The following FRK variants were observed in gnomAD, a reference collection of about 807,000 sequenced individuals.
The protein encoded by FRK is fyn related Src family tyrosine kinase.
Under a neutral mutation model 56.4 loss-of-function variants are expected in FRK, and 51 were observed. The ratio of observed to expected loss-of-function variants is 0.90; its 90% confidence interval spans 0.72 to 1.14. The LOEUF (loss-of-function observed/expected upper bound fraction) is 1.14. Ranked by LOEUF, FRK falls within the 50% of genes most tolerant of loss-of-function variation. The pLI is 0.00. For synonymous variants in FRK, 245 were observed against 217.9 expected, an observed-to-expected ratio of 1.12 and a Z score of -1.10; for missense variants, 570 against 601.4, an observed-to-expected ratio of 0.95 and a Z score of 0.55.
intron 1 of FRK, among the ~76,000 whole-genome samples, chr6:116,013,620 AT>A (rs1413018149): frequency 6.6e-6 from 1 of 152,148 alleles, no homozygotes; most frequent in Non-Finnish European, 1.5e-5. Context: ...AAAATGCCTT[AT>A]TTTATAAAAT....
chr6:115,973,256 A>G lies in FRK; in HGVS notation c.467-4517T>C, dbSNP rs141940195. ...TCTATCAGGATATAGAGCTTAGCTC[A>G]TAATATATTCCTGAAGCTGGAAACC... On this transcript the variant is annotated intron_variant, in intron 2 of 7. Transcript: ENST00000606080. Among the ~76,000 whole-genome samples, 5 of 152,312 alleles carry G rather than the reference A, an allele frequency of 3.3e-5. No homozygotes were observed. The East Asian group carries it at 9.7e-4, about 29-fold the overall frequency.
chr6:115,950,551 T>A (rs1227684908), intron 5 of FRK, among the ~76,000 whole-genome samples: 1 of 152,136 alleles, frequency 6.6e-6, no homozygotes, highest in Non-Finnish European at 1.5e-5. Flanking sequence ...GAAAGAGGAA[T>A]GCTTTTACAC....
the FRK span, among the ~76,000 whole-genome samples, chr6:116,087,590 T>C: frequency 6.6e-6 from 1 of 152,258 alleles, no homozygotes; most frequent in Admixed American, 6.5e-5. Context: ...TTACTTTGCC[T>C]TGGGGCAGAG....
At chr6:115,951,357 T>A (rs1373919014) in intron 5 of FRK, among the ~76,000 whole-genome samples, 2 of 152,188 alleles carry the variant, frequency 1.3e-5, no homozygotes, top group East Asian at 3.9e-4. Context: ...AACAACTATA[T>A]GAAGTAAGTA....
intron 5 of FRK, among the ~76,000 whole-genome samples, chr6:115,945,600 C>T (rs1158495783): frequency 1.3e-5 from 2 of 152,102 alleles, no homozygotes; most frequent in South Asian, 2.1e-4. Context: ...GCCTATAAAA[C>T]AATACTAACT....
intron 2 of FRK, among the ~76,000 whole-genome samples, chr6:116,001,749 T>C (rs748625500): frequency 6.6e-6 from 1 of 152,232 alleles, no homozygotes; most frequent in Non-Finnish European, 1.5e-5. Context: ...TTCTCTGGAA[T>C]GCATCTTTGT....
intron 6 of FRK, among the ~76,000 whole-genome samples, chr6:115,944,007 T>C (rs1291500288): frequency 6.6e-6 from 1 of 152,174 alleles, no homozygotes; most frequent in East Asian, 1.9e-4. Flanking sequence ...AATTCAACTA[T>C]AAACTTAAGT....
At chr6:115,994,338 C>CCTTTT (rs1554230544) in intron 2 of FRK, among the ~76,000 whole-genome samples, 6 of 91,768 alleles carry the variant, frequency 6.5e-5, no homozygotes, top group Non-Finnish European at 1.5e-4. Flanking sequence ...CCCCCCCCGC[C>CCTTTT]TTTTTTTTGT....
In FRK at chr6:115,958,712, A is replaced by AAGG. The variant is rs1284311809; in HGVS notation, c.800-2103_800-2102insCCT. Among the ~76,000 whole-genome samples, 138 of 16,520 alleles carry AAGG rather than the reference A, an allele frequency of 8.4e-3. 16 individuals are homozygous for AAGG. The highest frequency in any genetic ancestry group is 0.031 in the African/African-American group (127 of 4,074). 10.8% of individuals were successfully genotyped at this position (16,520 alleles called of 152,430 possible). Reference sequence around the variant, plus strand: ...AGAAAGAAAGAAAGAAAGAAGAAAGAAAGAAAGAAAGAAAGAAAGAAAGAA... The same window carrying AAGG: ...AGAAAGAAAGAAAGAAAGAAGAAAGAAGGAAGAAAGAAAGAAAGAAAGAAAGAA... On this transcript the variant is annotated intron_variant, in intron 4 of 7. Coordinates refer to ENST00000606080, the MANE Select transcript of FRK (RefSeq NM_002031.3).
intron 1 of FRK, among the ~76,000 whole-genome samples, chr6:116,049,347 C>A (rs1777104420): frequency 6.6e-6 from 1 of 152,184 alleles, no homozygotes; most frequent in South Asian, 2.1e-4. Context: ...TTGTTCATCT[C>A]TCTAGGCTTT....
At position 115,935,442 on chromosome 6, in the gene FRK, G is replaced by C. The variant is rs1772027735; in HGVS notation, c.*6972C>G. On this transcript the variant is annotated 3_prime_UTR_variant, in exon 8 of 8. Coordinates refer to ENST00000606080, the MANE Select transcript of FRK (RefSeq NM_002031.3). ...AGCCATTTGGGCAGACACTGAACTA[G>C]CTGCAGGAGTTTTATTTTCCATACC... is the stretch of plus-strand genomic sequence containing the variant. 6.5e-6 allele frequency: 1 copy of C among 152,730 alleles called. No homozygotes were observed. Among genetic ancestry groups the C allele is most frequent in the African/African-American group, 2.4e-5 (1 of 41,468 alleles). 9.5% of individuals were successfully genotyped at this position (152,730 alleles called of 1,614,324 possible).
At position 116,060,152 on chromosome 6, in the gene FRK, G is replaced by C; in HGVS notation, c.160C>G (p.Gln54Glu). 6.2e-7 allele frequency: 1 copy of C among 1,614,140 alleles called. No individual in the cohort carries two copies. The highest frequency in any genetic ancestry group is 8.5e-7 in the Non-Finnish European group (1 of 1,180,014). ...GHYFVALFDY[Q>E]ARTAEDLSFR... ...CTCAAGTCCTCAGCAGTCCGAGCCT[G>C]GTAATCAAACAAAGCCACAAAGTAG... Residue 54 changes from glutamine to glutamate, a missense_variant, in exon 1 of 8, where the codon CAG becomes GAG. Physicochemically the swap from Gln to Glu is conservative, Grantham distance 29. Coordinates refer to ENST00000606080, the MANE Select transcript of FRK (RefSeq NM_002031.3).
chr6:115,972,084 G>T (rs1486013476), intron 2 of FRK, among the ~76,000 whole-genome samples: 1 of 152,162 alleles, frequency 6.6e-6, no homozygotes, highest in African/African-American at 2.4e-5. Context: ...TTTCTAGGAT[G>T]CCTGCACCCA....
intron 2 of FRK, chr6:116,002,588 G>C: frequency 5.0e-6 from 2 of 402,122 alleles, no homozygotes; most frequent in South Asian, 3.5e-5. Context: ...CCTAGCCATA[G>C]AGCGACACTC....
In FRK at chr6:115,983,858, T is replaced by A. The variant is rs182653151; in HGVS notation, c.467-15119A>T. 3.2e-3 allele frequency among the ~76,000 whole-genome samples: 491 copies of A among 152,266 alleles called. 4 individuals are homozygous for A. Among genetic ancestry groups the A allele is most frequent in the Middle Eastern group, 0.014 (4 of 294 alleles). On this transcript the variant is annotated intron_variant, in intron 2 of 7. Coordinates refer to ENST00000606080, the MANE Select transcript of FRK (RefSeq NM_002031.3). ...TAAAATGCAAATCTGACCTTGTTAC[T>A]GTCCCCTTTAAAGCTCTTCAAGTGT...
chr6:116,044,503 T>A lies in FRK; in HGVS notation c.344+15465A>T, dbSNP rs537155257. 2.6e-5 allele frequency among the ~76,000 whole-genome samples: 4 copies of A among 152,330 alleles called. No individual in the cohort carries two copies. In the South Asian group the frequency reaches 8.3e-4, roughly 32 times the overall value. ...AAAACTACATGATTATCTCAATATA[T>A]GCAGAAAAGTCCTTCAATAAAATTC... On this transcript the variant is annotated intron_variant, in intron 1 of 7. Transcript: ENST00000606080.
intron 1 of FRK, among the ~76,000 whole-genome samples, chr6:116,012,483 C>T (rs547108122): frequency 3.3e-5 from 5 of 152,254 alleles, no homozygotes; most frequent in Admixed American, 6.5e-5. Flanking sequence ...CAAAAGCTAG[C>T]GATGCATTTT....
the FRK span, among the ~76,000 whole-genome samples, chr6:116,098,352 C>T: frequency 6.6e-6 from 1 of 152,090 alleles, no homozygotes; most frequent in South Asian, 2.1e-4. Context: ...CTCAAGCGAT[C>T]TGCCTACTTT....
At chr6:116,092,126 G>A in the FRK span, among the ~76,000 whole-genome samples, 1 of 152,120 alleles carries the variant, frequency 6.6e-6, no homozygotes, top group African/African-American at 2.4e-5. Context: ...TCAGGACTCT[G>A]TTACCTTCTT....
Sources: allele counts gnomAD v4.1 joint callset (sites outside exome capture counted in the v4.1 genomes callset), GRCh38; gene constraint gnomAD v4.1.1; transcripts MANE v1.5; gene names NCBI Gene and HGNC (gene_info 2026-07-23, HGNC 2026-07-21).